SCAPER: variants seen among roughly 807,000 people sequenced by gnomAD.
SCAPER encodes the protein S phase cyclin A-associated protein in the endoplasmic reticulum.
SCAPER carries 98 observed loss-of-function variants against 182.2 expected under a neutral mutation model. That is an observed-to-expected ratio of 0.54 (90% confidence interval 0.46 to 0.64). SCAPER has a LOEUF of 0.64. Ranked by LOEUF, SCAPER falls within the 30% of genes least tolerant of loss-of-function variation. The pLI is 0.00. For synonymous variants in SCAPER, 605 were observed against 564.6 expected, an observed-to-expected ratio of 1.07 and a Z score of -1.01; for missense variants, 1,432 against 1,690.0, an observed-to-expected ratio of 0.85 and a Z score of 2.68.
chr15:76,871,648 C>A (rs1428233610), intron 2 of SCAPER, among the ~76,000 whole-genome samples: 2 of 147,544 alleles, frequency 1.4e-5, no homozygotes, highest in Non-Finnish European at 3.0e-5. Flanking sequence ...CCTCAGTTCA[C>A]TGAAGCCTCT....
At chr15:76,815,416 C>T (rs768584124) in intron 5 of SCAPER, among the ~76,000 whole-genome samples, 11 of 152,154 alleles carry the variant, frequency 7.2e-5, no homozygotes, top group South Asian at 4.1e-4. Context: ...TATACACACA[C>T]ATACATACAG....
At chr15:76,609,137 G>C (rs1346288263) in intron 22 of SCAPER, among the ~76,000 whole-genome samples, 2 of 152,100 alleles carry the variant, frequency 1.3e-5, no homozygotes, top group Non-Finnish European at 2.9e-5. Context: ...CTGTAGACTG[G>C]AGCTGTTCCT....
At chr15:76,351,155 T>C in intron 31 of SCAPER, 82 bp downstream of exon 31, 1 of 1,197,522 alleles carries the variant, frequency 8.4e-7, no homozygotes, top group South Asian at 1.5e-5. Flanking sequence ...TTACATATAA[T>C]GTAGCAGTTC....
intron 24 of SCAPER, among the ~76,000 whole-genome samples, chr15:76,473,854 G>A (rs1463326222): frequency 1.3e-5 from 2 of 152,052 alleles, no homozygotes; most frequent in African/African-American, 4.8e-5. Context: ...CCAGGCTGGA[G>A]TGAAGTAGAA....
At chr15:76,713,404 A>T (rs1440632924) in intron 17 of SCAPER, among the ~76,000 whole-genome samples, 5 of 151,912 alleles carry the variant, frequency 3.3e-5, no homozygotes, top group Non-Finnish European at 7.4e-5. Flanking sequence ...GATAGACTGG[A>T]CTAAGAAAAT....
intron 1 of SCAPER, among the ~76,000 whole-genome samples, chr15:76,884,199 G>A (rs537987169): frequency 1.2e-4 from 18 of 152,220 alleles, no homozygotes; most frequent in African/African-American, 3.1e-4. Flanking sequence ...GTTCATACAC[G>A]TTTAACTGAA....
At chr15:76,796,543 C>G (rs2065340473) in intron 7 of SCAPER, among the ~76,000 whole-genome samples, 1 of 152,146 alleles carries the variant, frequency 6.6e-6, no homozygotes, top group African/African-American at 2.4e-5. Flanking sequence ...AGTAGATATA[C>G]AAAATGTAGT....
intron 21 of SCAPER, among the ~76,000 whole-genome samples, chr15:76,622,999 C>G (rs1208669348): frequency 1.3e-5 from 2 of 152,118 alleles, no homozygotes; most frequent in Non-Finnish European, 2.9e-5. Flanking sequence ...AAGAGTGTGG[C>G]ACCTCACCCC....
At chr15:76,673,138 A>C (rs1461829136) in intron 20 of SCAPER, among the ~76,000 whole-genome samples, 4 of 152,176 alleles carry the variant, frequency 2.6e-5, no homozygotes, top group African/African-American at 9.7e-5. Flanking sequence ...AGAAAAGCAC[A>C]AATTATTATC....
intron 26 of SCAPER, among the ~76,000 whole-genome samples, chr15:76,407,004 G>C (rs553621170): frequency 7.0e-4 from 106 of 152,290 alleles, no homozygotes; most frequent in Non-Finnish European, 1.2e-3. Context: ...GTAACTCTGG[G>C]GGTGCTGGTA....
chr15:76,631,108 T>A (rs2146245151), intron 21 of SCAPER, among the ~76,000 whole-genome samples: 1 of 152,342 alleles, frequency 6.6e-6, no homozygotes, highest in African/African-American at 2.4e-5. Flanking sequence ...AAACTAAGAT[T>A]GCAACCCCTG....
At chr15:76,489,852 A>AG (rs2052104511) in intron 24 of SCAPER, among the ~76,000 whole-genome samples, 1 of 152,078 alleles carries the variant, frequency 6.6e-6, no homozygotes, top group South Asian at 2.1e-4. Context: ...GCTTCTGTGA[A>AG]TTTAAATATT....
At chr15:76,430,447 G>A (rs2046786676) in intron 26 of SCAPER, among the ~76,000 whole-genome samples, 1 of 152,228 alleles carries the variant, frequency 6.6e-6, no homozygotes, top group African/African-American at 2.4e-5. Context: ...ACCCTACAAA[G>A]TCACACAGGC....
At chr15:76,808,202 G>A (rs538763557) in intron 5 of SCAPER, among the ~76,000 whole-genome samples, 1 of 152,324 alleles carries the variant, frequency 6.6e-6, no homozygotes, top group South Asian at 2.1e-4. Flanking sequence ...TACTTTTCCA[G>A]CTGCAGCCTG....
intron 23 of SCAPER, among the ~76,000 whole-genome samples, chr15:76,522,531 T>C (rs762474977): frequency 1.3e-5 from 2 of 152,158 alleles, no homozygotes; most frequent in Non-Finnish European, 2.9e-5. Context: ...GTGAAAAATA[T>C]GGACTGTACA....
At chr15:76,791,557 T>C (rs926460315) in intron 8 of SCAPER, among the ~76,000 whole-genome samples, 1 of 151,982 alleles carries the variant, frequency 6.6e-6, no homozygotes, top group Non-Finnish European at 1.5e-5. Flanking sequence ...AACTGGAACT[T>C]CGGGGCAAAA....
chr15:76,363,170 A>T (rs768466560), intron 29 of SCAPER, among the ~76,000 whole-genome samples: 3 of 152,232 alleles, frequency 2.0e-5, no homozygotes, highest in Non-Finnish European at 4.4e-5. Context: ...CTGCTCTGTA[A>T]GGATAATGGT....
chr15:76,599,812 G>A (rs1307864977), intron 22 of SCAPER, among the ~76,000 whole-genome samples: 1 of 121,394 alleles, frequency 8.2e-6, no homozygotes. Flanking sequence ...TGATGATACT[G>A]TGCAAATTTT....
chr15:76,434,354 C>T, intron 25 of SCAPER, 44 bp from the exon 26 acceptor site: 1 of 1,360,224 alleles, frequency 7.4e-7, no homozygotes, highest in Non-Finnish European at 1.0e-6. Context: ...AATAAAACCA[C>T]CAAAAATGGG....
Sources: allele counts gnomAD v4.1 joint callset (sites outside exome capture counted in the v4.1 genomes callset), GRCh38; gene constraint gnomAD v4.1.1; transcripts MANE v1.5; gene names NCBI Gene and HGNC (gene_info 2026-07-23, HGNC 2026-07-21).